Variants in EPB42 observed in about 807,000 individuals in gnomAD.
The protein encoded by EPB42 is erythrocyte membrane protein band 4.2, also known as protein 4.2.
In EPB42, 49 loss-of-function variants were observed where a neutral mutation model predicts 76.9. The observed-to-expected ratio is 0.64, with a 90% CI of 0.51 to 0.81. The LOEUF (loss-of-function observed/expected upper bound fraction) is 0.81. EPB42 is among the 30% of genes least tolerant of loss of function. The probability of loss-of-function intolerance (pLI) is 0.00; values close to 1 mark genes in which losing one functional copy is unlikely to be tolerated. For synonymous variants in EPB42, 310 were observed against 338.4 expected (o/e 0.92, Z 0.92); for missense variants, 731 against 867.6 (o/e 0.84, Z 1.98).
intron 3 of EPB42, among the ~76,000 whole-genome samples, 170 bp from the exon 4 acceptor site, chr15:43,211,704 C>G (rs1198664914): frequency 6.6e-6 from 1 of 152,194 alleles, no homozygotes; most frequent in Non-Finnish European, 1.5e-5. Context: ...CCCACTGGGA[C>G]CCAGCCCAGA....
chr15:43,206,188 G>A lies in EPB42; in HGVS notation c.1618+142C>T. ...AAATATGTGTTGAATGAATGAATGA[G>A]AGAGAACATGAGAGTGAGCAGCAGG... is the stretch of plus-strand genomic sequence containing the variant. On this transcript the variant is annotated intron_variant, in intron 10 of 12. Coordinates refer to ENST00000441366, the MANE Select transcript of EPB42 (RefSeq NM_001114134.2). The surrounding 1 kb of genome is among the most constrained non-coding windows in gnomAD (Gnocchi z 4.7). 1.2e-6 allele frequency: 1 copy of A among 836,926 alleles called. No homozygotes were observed. Among genetic ancestry groups the A allele is most frequent in the Non-Finnish European group, 1.8e-6 (1 of 557,710 alleles). The allele number at this position is 836,926 out of a possible 1,614,324, so 51.8% of individuals were successfully genotyped here.
chr15:43,223,708 G>A (rs1392050410), upstream of EPB42, among the ~76,000 whole-genome samples: 2 of 151,964 alleles, frequency 1.3e-5, no homozygotes, highest in African/African-American at 2.4e-5. Flanking sequence ...GGCTGGGCGC[G>A]GTGGCTCATG....
At position 43,216,355 on chromosome 15, in the gene EPB42, G is replaced by GC. The variant is rs754869401; in HGVS notation, c.108dup (p.Gln37AlafsTer103). The GC allele has an allele frequency of 2.5e-6, 4 of 1,614,086 alleles. No individual in the cohort carries two copies. Among genetic ancestry groups the GC allele is most frequent in the African/African-American group, 1.3e-5 (1 of 74,930 alleles). ...AAGTACAGGATGATGGTGAAGGGCT[G>GC]CCCCCTCCTCACAAAGAGGCGCCGG... On this transcript the variant is annotated frameshift_variant, in exon 2 of 13. Coordinates refer to ENST00000441366, the MANE Select transcript of EPB42 (RefSeq NM_001114134.2). LOFTEE classifies it high-confidence loss of function.
chr15:43,204,823 C>A (rs1205633053), intron 10 of EPB42, among the ~76,000 whole-genome samples: 1 of 152,128 alleles, frequency 6.6e-6, no homozygotes, highest in Non-Finnish European at 1.5e-5. Context: ...GGGAGCTTTA[C>A]AAAACAATCC....
intron 11 of EPB42, among the ~76,000 whole-genome samples, chr15:43,202,286 C>G (rs930791576): frequency 6.6e-6 from 1 of 152,164 alleles, no homozygotes; most frequent in African/African-American, 2.4e-5. Flanking sequence ...AACCCCCTCT[C>G]CCACCTCACC....
chr15:43,208,388 G>C, intron 7 of EPB42, 55 bp from the exon 8 acceptor site: 1 of 1,573,376 alleles, frequency 6.4e-7, no homozygotes, highest in South Asian at 1.1e-5. Flanking sequence ...TGCTGAAGAG[G>C]TTCTGGAAAT....
chr15:43,224,920 C>T (rs759537906), upstream of EPB42, among the ~76,000 whole-genome samples: 2 of 152,236 alleles, frequency 1.3e-5, no homozygotes, highest in African/African-American at 2.4e-5. Context: ...GGACTACAGG[C>T]ATGTGCCACT....
upstream of EPB42, chr15:43,221,149 T>A: frequency 2.5e-6 from 1 of 398,488 alleles, no homozygotes; most frequent in Admixed American, 3.7e-5. Context: ...GGGGAAGACC[T>A]GCCAACTAGA....
intron 2 of EPB42, 32 bp from the exon 3 acceptor site, chr15:43,215,360 G>A (rs1306847442): frequency 6.2e-7 from 1 of 1,604,990 alleles, no homozygotes; most frequent in Non-Finnish European, 8.5e-7. Context: ...TCTGTCACTG[G>A]GACTTCTTGG....
At chr15:43,210,259 A>G in intron 5 of EPB42, 76 bp downstream of exon 5, 1 of 1,323,504 alleles carries the variant, frequency 7.6e-7, no homozygotes. Context: ...TTCTGAGGCC[A>G]CGGTGGTGGG....
rs369555606 is a variant in EPB42 at position 43,220,370 on chromosome 15, G to A, written c.10+446C>T. Among the ~76,000 whole-genome samples, 3 of 152,104 alleles carry A rather than the reference G, an allele frequency of 2.0e-5. No individual in the cohort carries two copies. In the East Asian group the frequency reaches 5.8e-4, roughly 29 times the overall value. ...TTCTCTCCCATTTGGTGTAGAAGCT[G>A]TGACACCTTCATGCTACCCAGGGTG... On this transcript the variant is annotated intron_variant, in intron 1 of 12. Transcript: ENST00000441366.
Position 43,206,750 on chromosome 15 carries a change from A to T in EPB42, c.1319-121T>A, listed in dbSNP as rs912484664. 6 of 1,248,600 alleles carry T rather than the reference A, an allele frequency of 4.8e-6. No homozygotes were observed. The African/African-American group carries it at 7.4e-5, about 15-fold the overall frequency. 77.3% of individuals were successfully genotyped at this position (1,248,600 alleles called of 1,614,324 possible). On this transcript the variant is annotated intron_variant, in intron 9 of 12. Transcript: ENST00000441366. This position sits in a 1 kb window ranked among gnomAD's most constrained non-coding sequence, Gnocchi z 4.7. ...TCAAATGCCAAAGTCACAAGAACTC[A>T]GCAAGCCTCTAAGGCCATATTTAGC...
chr15:43,204,639 C>G (rs1244024591), intron 10 of EPB42, among the ~76,000 whole-genome samples: 1 of 152,200 alleles, frequency 6.6e-6, no homozygotes, highest in Non-Finnish European at 1.5e-5. Flanking sequence ...ACCCACCACA[C>G]ACATATACAC....
At position 43,220,885 on chromosome 15, in the gene EPB42, C is replaced by T. The variant is rs1377799890; in HGVS notation, c.-60G>A. 2.7e-6 allele frequency: 4 copies of T among 1,482,116 alleles called. No homozygotes were observed. The East Asian group carries it at 9.0e-5, about 33-fold the overall frequency. 91.8% of individuals were successfully genotyped at this position (1,482,116 alleles called of 1,614,324 possible). A position where few individuals can be genotyped will look rare whatever the true frequency, so the allele number is the denominator to read the frequency against. ...AGAAAGCGCCTCTCTCAAACTGTTG[C>T]TTCTGGGCTCCTTCTGGGCTTTCTG... On this transcript the variant is annotated 5_prime_UTR_variant, in exon 1 of 13. Coordinates refer to ENST00000441366, the MANE Select transcript of EPB42 (RefSeq NM_001114134.2).
chr15:43,207,877 G>A (rs1304051182), intron 8 of EPB42, among the ~76,000 whole-genome samples: 1 of 152,072 alleles, frequency 6.6e-6, no homozygotes, highest in African/African-American at 2.4e-5. Flanking sequence ...AGCCTATCCC[G>A]ATGCCCTCTT....
intron 10 of EPB42, 43 bp from the exon 11 acceptor site, chr15:43,203,318 T>C: frequency 6.2e-7 from 1 of 1,612,870 alleles, no homozygotes; most frequent in Non-Finnish European, 8.5e-7. Context: ...CAGGTGTATG[T>C]ACCCCAGAAA....
Position 43,209,321 on chromosome 15 carries a change from G to T in EPB42, c.785C>A (p.Pro262His), listed in dbSNP as rs767097953. The part of the protein sequence containing the change: ...LRQWLTGRGR[P>H]VYDGQAWVLA... ...CACCCAGGCCTGGCCATCATACACA[G>T]GTCGGCCTCGGCCGGTGAGCCACTG... The change falls in exon 6 of 13, where the codon CCT becomes CAT. Residue 262 changes from proline to histidine, a missense_variant. Coordinates refer to ENST00000441366, the MANE Select transcript of EPB42 (RefSeq NM_001114134.2). 5.0e-6 allele frequency: 8 copies of T among 1,614,150 alleles called. No individual in the cohort carries two copies. The highest frequency in any genetic ancestry group is 5.9e-6 in the Non-Finnish European group (7 of 1,180,028).
intron 9 of EPB42, 143 bp downstream of exon 9, chr15:43,207,056 G>T: frequency 8.2e-7 from 1 of 1,214,174 alleles, no homozygotes; most frequent in Non-Finnish European, 1.2e-6. Flanking sequence ...AAATGTCAAT[G>T]GTGTCAAATG....
At position 43,207,294 on chromosome 15, in the gene EPB42, T is replaced by G; in HGVS notation, c.1223A>C (p.Asp408Ala). The G allele has an allele frequency of 6.2e-7, 1 of 1,614,022 alleles. No individual in the cohort carries two copies. Among genetic ancestry groups the G allele is most frequent in the Non-Finnish European group, 8.5e-7 (1 of 1,180,000 alleles). ...GTTGCCAACATACTTTGTGTTGGAG[T>G]CAGTCAACTCCAGTGTCCCATCCTC... ...CCEDGTLELT[D>A]SNTKYVGNNI... Residue 408 changes from aspartate (D) to alanine (A), a missense_variant, in exon 9 of 13, where the codon GAC becomes GCC. By Grantham distance (126) the Asp-to-Ala change is moderately radical. Transcript: ENST00000441366.
Sources: gnomAD v4.1 joint callset for allele counts (sites outside exome capture counted in the v4.1 genomes callset) on GRCh38, gnomAD v4.1.1 for gene constraint, Gnocchi (gnomAD v3.1) non-coding constraint, MANE v1.5 for transcripts, NCBI Gene and HGNC (gene_info 2026-07-23, HGNC 2026-07-21) for gene names.